Variants in RPS19BP1 observed in about 807,000 individuals in gnomAD.
RPS19BP1 encodes ribosomal protein S19 binding protein 1, also known as active regulator of SIRT1.
A neutral mutation model predicts 16.6 loss-of-function variants in RPS19BP1; 14 were observed. The ratio of observed to expected loss-of-function variants is 0.84; its 90% CI spans 0.56 to 1.32. RPS19BP1 has a LOEUF of 1.32. Ranked by LOEUF, RPS19BP1 falls within the 40% of genes most tolerant of loss-of-function variation. RPS19BP1 has a pLI of 0.00. For synonymous variants in RPS19BP1, 90 were observed against 77.3 expected, an observed-to-expected ratio of 1.16 and a Z score of -0.86; for missense variants, 188 against 178.6, an observed-to-expected ratio of 1.05 and a Z score of -0.30.
At chr22:39,530,598 A>C in intron 2 of RPS19BP1, 2 of 243,908 alleles carry the variant, frequency 8.2e-6, no homozygotes, top group South Asian at 3.3e-5. Context: ...GGTGGTGGGC[A>C]CCTGTAATCC....
In RPS19BP1 at chr22:39,530,231, AAAAC is replaced by A. The variant is rs1430168643; in HGVS notation, c.182-318_182-315del. 60 of 343,202 alleles carry A rather than the reference AAAAC, an allele frequency of 1.7e-4. 1 individual carries two copies. Among genetic ancestry groups the A allele is most frequent in the South Asian group, 1.4e-3 (38 of 27,768 alleles). The allele number at this position is 343,202 out of a possible 1,614,324, so 21.3% of individuals were successfully genotyped here. A position where few individuals can be genotyped will look rare whatever the true frequency, so the allele number is the denominator to read the frequency against. Reference sequence around the variant, plus strand: ...TAGAAGCGCAAACATTTCATGGAGAAAAACAAAAGAGGAAACAGAAAAGGGGAAT... The same window carrying A: ...TAGAAGCGCAAACATTTCATGGAGAAAAAAGAGGAAACAGAAAAGGGGAAT... On this transcript the variant is annotated intron_variant, in intron 2 of 3. Coordinates refer to ENST00000334678, the MANE Select transcript of RPS19BP1 (RefSeq NM_194326.4).
At position 39,529,499 on chromosome 22, in the gene RPS19BP1, C is replaced by A. The variant is rs779677159; in HGVS notation, c.404G>T (p.Gly135Val). 10 of 1,614,186 alleles carry A rather than the reference C, an allele frequency of 6.2e-6. No individual in the cohort carries two copies. The highest frequency in any genetic ancestry group is 8.5e-6 in the Non-Finnish European group (10 of 1,180,026). ...CCGTGCCCTCCAGGGAGCCTAGCTG[C>A]CGAAGTATTCCTGCTGGAACTTCTG... ...DFQKFQQEYF[G>V]S Residue 135 changes from glycine (G) to valine (V), a missense_variant, in exon 4 of 4, where the codon GGC becomes GTC. Coordinates refer to ENST00000334678, the MANE Select transcript of RPS19BP1 (RefSeq NM_194326.4).
At chr22:39,532,335 T>C in intron 2 of RPS19BP1, 60 bp downstream of exon 2, 1 of 1,610,524 alleles carries the variant, frequency 6.2e-7, no homozygotes, top group Non-Finnish European at 8.5e-7. Context: ...AAGCGCCACC[T>C]CCTCTGGGGC....
In RPS19BP1 at chr22:39,529,602, G is replaced by A. The variant is rs374242896; in HGVS notation, c.301C>T (p.Arg101Cys). The A allele has an allele frequency of 1.9e-5, 31 of 1,614,122 alleles. No individual in the cohort carries two copies. The highest frequency in any genetic ancestry group is 4.4e-5 in the South Asian group (4 of 91,086). ...SQQILRQNRGRKACDRPVAKT... is the reference protein window; with the variant it reads ...SQQILRQNRGCKACDRPVAKT... ...GCCACAGGCCGGTCACAGGCCTTGCGGCCCCGGTTCTGGCGCAAAATCTGG... is the reference window on the plus strand; with the variant it reads ...GCCACAGGCCGGTCACAGGCCTTGCAGCCCCGGTTCTGGCGCAAAATCTGG... The change falls in exon 4 of 4, where the codon CGC becomes TGC. Residue 101 changes from arginine to cysteine, a missense_variant. Transcript: ENST00000334678.
chr22:39,532,430 T>C lies in RPS19BP1; in HGVS notation c.146A>G (p.Asn49Ser), dbSNP rs759586652. The change falls in exon 2 of 4, where the codon AAC becomes AGC. Residue 49 changes from asparagine to serine, a missense_variant. Physicochemically the swap from Asn to Ser is conservative, Grantham distance 46. Transcript: ENST00000334678. ...TKAIQAQKLR[N>S]SAKGKVPKSA... Reference sequence around the variant, plus strand: ...CTTGGGCACCTTTCCCTTGGCCGAGTTCCGCAGTTTCTGGGCCTGAATTGC... The same window carrying C: ...CTTGGGCACCTTTCCCTTGGCCGAGCTCCGCAGTTTCTGGGCCTGAATTGC... 1.5e-5 allele frequency: 25 copies of C among 1,614,012 alleles called. No individual in the cohort carries two copies. Among genetic ancestry groups the C allele is most frequent in the African/African-American group, 2.7e-5 (2 of 74,928 alleles).
intron 2 of RPS19BP1, chr22:39,530,952 AT>A (rs1201965999): frequency 6.6e-6 from 1 of 151,902 alleles, no homozygotes; most frequent in African/African-American, 2.4e-5. Flanking sequence ...TGAGAACAAG[AT>A]TACGGGGGGA....
Position 39,529,819 on chromosome 22 carries a change from C to T in RPS19BP1, c.279+1G>A. 6.2e-7 allele frequency: 1 copy of T among 1,613,990 alleles called. No individual in the cohort carries two copies. The highest frequency in any genetic ancestry group is 8.5e-7 in the Non-Finnish European group (1 of 1,179,858). The stretch of plus-strand genomic sequence containing the variant: ...CCCTTCCTATAGTACCCTCGACCAA[C>T]CTGCTGGCTCACAGACTCAGCCACG... On this transcript the variant is annotated splice_donor_variant, in intron 3 of 3. Transcript: ENST00000334678. LOFTEE classifies it high-confidence loss of function.
At chr22:39,532,155 A>G (rs1186952049) in intron 2 of RPS19BP1, 7 of 531,220 alleles carry the variant, frequency 1.3e-5, no homozygotes, top group South Asian at 4.5e-5. Flanking sequence ...GCACTTAGCA[A>G]TGACACACTG....
In RPS19BP1 at chr22:39,529,228, A is replaced by G. The variant is rs1042414483; in HGVS notation, c.*264T>C. The G allele has an allele frequency of 5.8e-6, 3 of 514,038 alleles. No homozygotes were observed. Among genetic ancestry groups the G allele is most frequent in the African/African-American group, 3.9e-5 (2 of 51,786 alleles). The allele number at this position is 514,038 out of a possible 1,614,324, so 31.8% of individuals were successfully genotyped here. ...GGCCCCACCTGGGCAAAAGCAAACA[A>G]AACAGATACGTTCCTTTCCGGCAGG... On this transcript the variant is annotated 3_prime_UTR_variant, in exon 4 of 4. Coordinates refer to ENST00000334678, the MANE Select transcript of RPS19BP1 (RefSeq NM_194326.4).
intron 2 of RPS19BP1, 77 bp downstream of exon 2, chr22:39,532,318 C>T: frequency 3.7e-6 from 6 of 1,603,392 alleles, no homozygotes; most frequent in Non-Finnish European, 4.3e-6. Context: ...GCTTCAAGCC[C>T]TGCCTCAAGC....
In RPS19BP1 at chr22:39,532,713, C is replaced by G. The variant is rs772054288; in HGVS notation, c.26G>C (p.Gly9Ala). 1.7e-5 allele frequency: 27 copies of G among 1,544,454 alleles called. No homozygotes were observed. The highest frequency in any genetic ancestry group is 1.7e-4 in the Middle Eastern group (1 of 5,886). The change falls in exon 1 of 4, where the codon GGC becomes GCC. Residue 9 changes from glycine (G) to alanine (A), a missense_variant. Transcript: ENST00000334678. MSAALLRR[G>A]LELLAASEAP... Reference sequence around the variant, plus strand: ...CTCGGACGCCGCCAGCAGCTCCAGGCCCCGCCGCAGCAGGGCGGCGGACAT... The same window carrying G: ...CTCGGACGCCGCCAGCAGCTCCAGGGCCCGCCGCAGCAGGGCGGCGGACAT...
intron 2 of RPS19BP1, chr22:39,532,036 C>T (rs749768531): frequency 9.6e-5 from 25 of 260,246 alleles, no homozygotes; most frequent in Admixed American, 3.2e-4. Flanking sequence ...ACCTAGCTCA[C>T]TCTTATACAT....
Position 39,532,745 on chromosome 22 carries a change from G to C in RPS19BP1, c.-7C>G. ...GCAGCAGGGCGGCGGACATGGCGGC[G>C]CTTGGCTCCGCCCACGAGCCTCACA... On this transcript the variant is annotated 5_prime_UTR_variant, in exon 1 of 4. Coordinates refer to ENST00000334678, the MANE Select transcript of RPS19BP1 (RefSeq NM_194326.4). The C allele has an allele frequency of 1.3e-6, 2 of 1,540,046 alleles. No homozygotes were observed. Among genetic ancestry groups the C allele is most frequent in the Non-Finnish European group, 1.7e-6 (2 of 1,145,560 alleles).
Position 39,532,685 on chromosome 22 carries a change from A to T in RPS19BP1, c.52+2T>A, listed in dbSNP as rs919908340. On this transcript the variant is annotated splice_donor_variant, in intron 1 of 3. Transcript: ENST00000334678. LOFTEE classifies it high-confidence loss of function. ...GGACGTCCCCTGGCCAGCCCTCCTC[A>T]CCCTCGGACGCCGCCAGCAGCTCCA... 12 of 1,543,052 alleles carry T rather than the reference A, an allele frequency of 7.8e-6. No individual in the cohort carries two copies. Among genetic ancestry groups the T allele is most frequent in the Non-Finnish European group, 1.0e-5 (12 of 1,148,034 alleles).
At position 39,529,112 on chromosome 22, in the gene RPS19BP1, G is replaced by GT. The variant is rs1407760112; in HGVS notation, c.*379dup. The GT allele has an allele frequency of 1.2e-4, 31 of 258,182 alleles. No individual in the cohort carries two copies. Among genetic ancestry groups the GT allele is most frequent in the African/African-American group, 6.2e-4 (27 of 43,574 alleles). 16.0% of individuals were successfully genotyped at this position (258,182 alleles called of 1,614,324 possible). On this transcript the variant is annotated 3_prime_UTR_variant, in exon 4 of 4. Coordinates refer to ENST00000334678, the MANE Select transcript of RPS19BP1 (RefSeq NM_194326.4). ...CACAGCTCTTGGGTTCACATTTATT[G>GT]TAACTTGGAAGCCCACCCTTCTTCC...
At position 39,529,450 on chromosome 22, in the gene RPS19BP1, C is replaced by G; in HGVS notation, c.*42G>C. ...TCCTGGAGCCAGCAGGAGTCGGAGG[C>G]TGCAGGGCTTGAAGGCCTCTTCACC... On this transcript the variant is annotated 3_prime_UTR_variant, in exon 4 of 4. Transcript: ENST00000334678. 6.2e-7 allele frequency: 1 copy of G among 1,610,706 alleles called. No individual in the cohort carries two copies. Among genetic ancestry groups the G allele is most frequent in the Non-Finnish European group, 8.5e-7 (1 of 1,178,682 alleles).
chr22:39,530,091 G>A lies in RPS19BP1; in HGVS notation c.182-174C>T. 4 of 614,700 alleles carry A rather than the reference G, an allele frequency of 6.5e-6. No homozygotes were observed. The East Asian group carries it at 1.1e-4, about 17-fold the overall frequency. The allele number at this position is 614,700 out of a possible 1,614,324, so 38.1% of individuals were successfully genotyped here. A position where few individuals can be genotyped will look rare whatever the true frequency, so the allele number is the denominator to read the frequency against. ...ACACAGGTCCTGCTGAAAGCCCCAG[G>A]CTCTTGGCCCCCACCCCCATTTTCC... On this transcript the variant is annotated intron_variant, in intron 2 of 3. Transcript: ENST00000334678.
Position 39,529,610 on chromosome 22 carries a change from TTCTGGCGCAAAA to T in RPS19BP1, c.281_292del (p.Ile94_Gln97del). On this transcript the variant is annotated inframe_deletion and splice_region_variant, in exon 4 of 4. Coordinates refer to ENST00000334678, the MANE Select transcript of RPS19BP1 (RefSeq NM_194326.4). ...CCGGTCACAGGCCTTGCGGCCCCGG[TTCTGGCGCAAAA>T]TCTGGCGAGGGTGCGGGACCGAGGG... is the stretch of plus-strand genomic sequence containing the variant. The T allele has an allele frequency of 6.2e-7, 1 of 1,614,042 alleles. No homozygotes were observed. The highest frequency in any genetic ancestry group is 1.1e-5 in the South Asian group (1 of 91,090).
intron 2 of RPS19BP1, 161 bp from the exon 3 acceptor site, chr22:39,530,078 C>T: frequency 1.6e-6 from 1 of 633,186 alleles, no homozygotes; most frequent in Non-Finnish European, 2.8e-6. Flanking sequence ...ACAGGTCCTG[C>T]TGAAAGCCCC....
Sources: allele counts gnomAD v4.1 joint callset, GRCh38; gene constraint gnomAD v4.1.1; transcripts MANE v1.5; gene names NCBI Gene and HGNC (gene_info 2026-07-23, HGNC 2026-07-21).